LTBP1: variants seen among roughly 807,000 people sequenced by gnomAD.
LTBP1 encodes the protein latent-transforming growth factor beta-binding protein 1.
A neutral mutation model predicts 207.6 loss-of-function variants in LTBP1; 129 were observed. That is an observed-to-expected ratio of 0.62 (90% CI 0.54 to 0.72). LTBP1 has a LOEUF of 0.72. Ranked by LOEUF, LTBP1 falls within the 30% of genes least tolerant of loss-of-function variation. LTBP1 has a pLI of 0.00. For synonymous variants in LTBP1, 963 were observed against 833.7 expected (o/e 1.16, Z -2.67); for missense variants, 2,281 against 2,217.2 (o/e 1.03, Z -0.58).
intron 24 of LTBP1, among the ~76,000 whole-genome samples, chr2:33,321,843 T>C (rs1390026234): frequency 1.3e-5 from 2 of 152,152 alleles, no homozygotes; most frequent in African/African-American, 2.4e-5. Context: ...CTCTCTTCCA[T>C]GTGTAAAAAG....
intron 18 of LTBP1, 128 bp downstream of exon 18, chr2:33,276,051 C>A: frequency 8.4e-7 from 1 of 1,191,972 alleles, no homozygotes. Context: ...TTTCTGCTTC[C>A]TAGATTCACA....
chr2:33,133,355 T>C (rs1369536737), intron 4 of LTBP1, among the ~76,000 whole-genome samples: 1 of 152,098 alleles, frequency 6.6e-6, no homozygotes, highest in East Asian at 1.9e-4. Flanking sequence ...CCAGAGCCTC[T>C]CTCCCCTTTG....
chr2:33,250,151 G>T (rs982328802), intron 10 of LTBP1, among the ~76,000 whole-genome samples: 1 of 152,140 alleles, frequency 6.6e-6, no homozygotes, highest in East Asian at 1.9e-4. Context: ...TTAATAAACA[G>T]AATGCAAGTC....
chr2:32,988,513 C>T (rs1334518933), intron 2 of LTBP1, among the ~76,000 whole-genome samples: 2 of 152,164 alleles, frequency 1.3e-5, no homozygotes, highest in Non-Finnish European at 2.9e-5. Context: ...GCAGTTACTA[C>T]CTGAGATGAT....
At position 33,191,248 on chromosome 2, in the gene LTBP1, A is replaced by G. The variant is rs189691522; in HGVS notation, c.1701+2397A>G. On this transcript the variant is annotated intron_variant, in intron 7 of 33. Coordinates refer to ENST00000404816, the MANE Select transcript of LTBP1 (RefSeq NM_206943.4). ...ATTGTTAACAAGAAAAGATGAAAAG[A>G]TACTATTGACTTGTAAGCCTAGAGT... 3.3e-3 allele frequency among the ~76,000 whole-genome samples: 508 copies of G among 152,338 alleles called. 4 individuals carry two copies. The highest frequency in any genetic ancestry group is 3.5e-3 in the Non-Finnish European group (237 of 68,038).
intron 3 of LTBP1, among the ~76,000 whole-genome samples, chr2:33,079,192 A>T (rs1303594672): frequency 6.6e-6 from 1 of 152,230 alleles, no homozygotes; most frequent in Admixed American, 6.5e-5. Flanking sequence ...CATCAGGCAC[A>T]GGAGATCCAA....
chr2:33,309,829 C>T (rs1212261029), intron 23 of LTBP1, among the ~76,000 whole-genome samples: 1 of 152,232 alleles, frequency 6.6e-6, no homozygotes, highest in African/African-American at 2.4e-5. Context: ...CATGCTGTAA[C>T]CTTGGTACTG....
chr2:33,055,283 G>A (rs980731019), intron 3 of LTBP1, among the ~76,000 whole-genome samples: 13 of 152,084 alleles, frequency 8.5e-5, no homozygotes, highest in Admixed American at 1.3e-4. Flanking sequence ...CGAGTGATTC[G>A]GGTGACAGGG....
chr2:32,952,762 G>C (rs1235360243), intron 2 of LTBP1, among the ~76,000 whole-genome samples: 6 of 152,158 alleles, frequency 3.9e-5, no homozygotes, highest in Non-Finnish European at 8.8e-5. Context: ...GGTAGGCTCA[G>C]CTTTAATGAG....
At chr2:33,249,595 A>C (rs1224723616) in intron 10 of LTBP1, among the ~76,000 whole-genome samples, 1 of 152,192 alleles carries the variant, frequency 6.6e-6, no homozygotes, top group Non-Finnish European at 1.5e-5. Flanking sequence ...ATACTTGGGT[A>C]CAGAGCTATA....
At chr2:33,120,506 A>T (rs1162480467) in intron 4 of LTBP1, among the ~76,000 whole-genome samples, 1 of 152,248 alleles carries the variant, frequency 6.6e-6, no homozygotes, top group East Asian at 1.9e-4. Context: ...ATGTTTCTGC[A>T]GAAGACATGA....
chr2:33,287,879 G>A (rs536948221), intron 19 of LTBP1, among the ~76,000 whole-genome samples: 41 of 152,232 alleles, frequency 2.7e-4, no homozygotes, highest in African/African-American at 9.1e-4. Context: ...CATCACACTG[G>A]CTGGACCAAC....
chr2:33,318,591 T>C (rs933264197), intron 24 of LTBP1, among the ~76,000 whole-genome samples: 6 of 152,198 alleles, frequency 3.9e-5, no homozygotes, highest in African/African-American at 1.4e-4. Context: ...GATATTTTTT[T>C]CAAATCCCAG....
chr2:33,349,376 G>T (rs754460125), intron 26 of LTBP1, among the ~76,000 whole-genome samples: 6 of 151,892 alleles, frequency 4.0e-5, no homozygotes, highest in Non-Finnish European at 8.8e-5. Context: ...ATGAGGCAAG[G>T]TTGCAGTGAG....
chr2:33,271,702 C>T (rs1490407750), intron 15 of LTBP1, among the ~76,000 whole-genome samples: 1 of 152,188 alleles, frequency 6.6e-6, no homozygotes, highest in Non-Finnish European at 1.5e-5. Context: ...CTTGGATCTA[C>T]TTCCCTCCAA....
chr2:32,973,209 C>G (rs1386028177), intron 2 of LTBP1, among the ~76,000 whole-genome samples: 1 of 152,004 alleles, frequency 6.6e-6, no homozygotes, highest in African/African-American at 2.4e-5. Context: ...GTTTTTTGCC[C>G]TGATGATCTG....
intron 9 of LTBP1, among the ~76,000 whole-genome samples, chr2:33,229,502 A>C (rs1261789863): frequency 6.6e-6 from 1 of 152,170 alleles, no homozygotes; most frequent in Admixed American, 6.5e-5. Flanking sequence ...GGAGGAAGGA[A>C]GGAGAGACGG....
chr2:33,202,334 A>G (rs1369324028), intron 7 of LTBP1, among the ~76,000 whole-genome samples: 2 of 152,178 alleles, frequency 1.3e-5, no homozygotes, highest in Non-Finnish European at 2.9e-5. Context: ...CATGGGAGAA[A>G]AAGATGGGTA....
intron 3 of LTBP1, 62 bp downstream of exon 3, chr2:33,021,268 C>G: frequency 7.1e-7 from 1 of 1,417,036 alleles, no homozygotes. Context: ...GGATGCCTTG[C>G]TTTAAATCAC....
Sources: allele counts gnomAD v4.1 joint callset (sites outside exome capture counted in the v4.1 genomes callset), GRCh38; gene constraint gnomAD v4.1.1; transcripts MANE v1.5; gene names NCBI Gene and HGNC (gene_info 2026-07-23, HGNC 2026-07-21).